THSD7A: variants seen among roughly 807,000 people sequenced by gnomAD.
THSD7A encodes the protein thrombospondin type-1 domain-containing protein 7A.
Under a neutral mutation model 231.3 loss-of-function variants are expected in THSD7A, and 96 were observed. The observed-to-expected ratio is 0.41, with a 90% CI of 0.35 to 0.49. THSD7A has a LOEUF of 0.49. Ranked by LOEUF, THSD7A falls within the 20% of genes least tolerant of loss-of-function variation. The pLI is 0.05. For missense variants in THSD7A, 2,290 were observed against 2,070.2 expected (o/e 1.11, Z -2.06); for synonymous variants, 940 against 743.3 (o/e 1.26, Z -4.30).
At chr7:11,601,752 AATTT>A (rs1340109826) in intron 2 of THSD7A, among the ~76,000 whole-genome samples, 1 of 152,180 alleles carries the variant, frequency 6.6e-6, no homozygotes, top group East Asian at 1.9e-4. Context: ...GAATCTTAAG[AATTT>A]GAATGTTTGG....
Position 11,391,653 on chromosome 7 carries a change from T to C in THSD7A, c.4412-9037A>G, listed in dbSNP as rs575118712. Among the ~76,000 whole-genome samples the C allele has an allele frequency of 1.1e-3, 165 of 152,230 alleles. 1 individual carries two copies. The highest frequency in any genetic ancestry group is 3.4e-3 in the African/African-American group (142 of 41,548). On this transcript the variant is annotated intron_variant, in intron 23 of 27. Transcript: ENST00000423059. ...TGTCCTGCTGGCATTCCAGGTGCCA[T>C]TGGGGTATGAAAAAAAGCTCCTGCA... is the stretch of plus-strand genomic sequence containing the variant.
At chr7:11,765,282 T>C (rs148545438) in intron 1 of THSD7A, among the ~76,000 whole-genome samples, 2 of 152,322 alleles carry the variant, frequency 1.3e-5, no homozygotes, top group African/African-American at 4.8e-5. Context: ...AATATTTAAG[T>C]TTGCTATCTT....
intron 1 of THSD7A, among the ~76,000 whole-genome samples, chr7:11,640,579 A>G (rs1443941462): frequency 6.6e-6 from 1 of 152,140 alleles, no homozygotes; most frequent in Non-Finnish European, 1.5e-5. Context: ...GGATAACTAA[A>G]TATGCACGAT....
At chr7:11,660,145 C>T (rs1238059979) in intron 1 of THSD7A, among the ~76,000 whole-genome samples, 1 of 151,504 alleles carries the variant, frequency 6.6e-6, no homozygotes, top group Non-Finnish European at 1.5e-5. Context: ...CCAATTTCTC[C>T]TAGAAAAATT....
At chr7:11,479,494 C>T (rs1307986328) in intron 7 of THSD7A, among the ~76,000 whole-genome samples, 1 of 152,130 alleles carries the variant, frequency 6.6e-6, no homozygotes, top group African/African-American at 2.4e-5. Flanking sequence ...ATTTATGACA[C>T]AAAGCACTAA....
At chr7:11,804,851 G>A (rs758818773) in intron 1 of THSD7A, among the ~76,000 whole-genome samples, 9 of 152,054 alleles carry the variant, frequency 5.9e-5, no homozygotes, top group South Asian at 2.1e-4. Context: ...GCCTAGCCCC[G>A]CTTGGTTCTA....
At chr7:11,508,568 A>G (rs182376553) in intron 6 of THSD7A, among the ~76,000 whole-genome samples, 1 of 152,344 alleles carries the variant, frequency 6.6e-6, no homozygotes, top group African/African-American at 2.4e-5. Context: ...TACAACTACT[A>G]CATGATGCTG....
intron 16 of THSD7A, among the ~76,000 whole-genome samples, chr7:11,422,998 G>C (rs1056696482): frequency 4.6e-5 from 7 of 151,836 alleles, no homozygotes; most frequent in Non-Finnish European, 1.0e-4. Context: ...AAATTCTTAA[G>C]GTAATATTTT....
chr7:11,626,338 T>C (rs1781471835), intron 2 of THSD7A, among the ~76,000 whole-genome samples: 1 of 152,134 alleles, frequency 6.6e-6, no homozygotes, highest in Non-Finnish European at 1.5e-5. Context: ...ATGAATATGT[T>C]TATGACCTTG....
At chr7:11,549,232 T>G (rs1275873973) in intron 4 of THSD7A, among the ~76,000 whole-genome samples, 2 of 152,042 alleles carry the variant, frequency 1.3e-5, no homozygotes, top group Admixed American at 6.6e-5. Context: ...TACTAAAAAG[T>G]CAAGAAACAA....
intron 1 of THSD7A, among the ~76,000 whole-genome samples, chr7:11,669,771 T>G (rs1783300883): frequency 6.6e-6 from 1 of 152,130 alleles, no homozygotes; most frequent in Non-Finnish European, 1.5e-5. Context: ...TTATTTCTTA[T>G]CAATATAATT....
intron 6 of THSD7A, among the ~76,000 whole-genome samples, chr7:11,525,776 T>C (rs1164082906): frequency 6.6e-6 from 1 of 152,168 alleles, no homozygotes; most frequent in African/African-American, 2.4e-5. Flanking sequence ...TAGATTATAC[T>C]CATTTGGAAC....
Position 11,406,269 on chromosome 7 carries a change from CAG to C in THSD7A, c.4237+29_4237+30del. On this transcript the variant is annotated intron_variant, in intron 22 of 27. Coordinates refer to ENST00000423059, the MANE Select transcript of THSD7A (RefSeq NM_015204.3). The surrounding 1 kb of genome is among the most constrained non-coding windows in gnomAD (Gnocchi z 4.7). ...GGCCCTTGTCCTAGGAAAAAATAAT[CAG>C]AATATGAATTCTCCTTTGCCGTTGT... 2 of 1,564,078 alleles carry C rather than the reference CAG, an allele frequency of 1.3e-6. No homozygotes were observed. Among genetic ancestry groups the C allele is most frequent in the Non-Finnish European group, 1.7e-6 (2 of 1,157,268 alleles).
At chr7:11,526,071 A>G (rs1434483865) in intron 6 of THSD7A, among the ~76,000 whole-genome samples, 2 of 152,180 alleles carry the variant, frequency 1.3e-5, no homozygotes, top group Non-Finnish European at 2.9e-5. Flanking sequence ...GTTCTACGTT[A>G]AAGGATCTGA....
At chr7:11,402,420 G>C (rs1275850304) in intron 22 of THSD7A, among the ~76,000 whole-genome samples, 1 of 152,168 alleles carries the variant, frequency 6.6e-6, no homozygotes, top group African/African-American at 2.4e-5. Context: ...GACAGAGCTG[G>C]TTTTATGTTT....
chr7:11,403,824 T>C (rs1277896185), intron 22 of THSD7A, among the ~76,000 whole-genome samples: 2 of 152,230 alleles, frequency 1.3e-5, no homozygotes, highest in Non-Finnish European at 2.9e-5. Flanking sequence ...TTTTCTATTT[T>C]GACCATGTAA....
chr7:11,707,801 C>A (rs1780818752), intron 1 of THSD7A, among the ~76,000 whole-genome samples: 1 of 150,776 alleles, frequency 6.6e-6, no homozygotes, highest in Non-Finnish European at 1.5e-5. Flanking sequence ...TCAGCTTGAG[C>A]CAAAATAACT....
At chr7:11,400,227 G>A (rs1054713568) in intron 23 of THSD7A, among the ~76,000 whole-genome samples, 4 of 151,530 alleles carry the variant, frequency 2.6e-5, no homozygotes, top group African/African-American at 9.7e-5. Flanking sequence ...GAGTTAATGG[G>A]TGCAGCACAC....
intron 19 of THSD7A, among the ~76,000 whole-genome samples, chr7:11,407,714 T>C (rs1327465722): frequency 6.6e-6 from 1 of 152,206 alleles, no homozygotes; most frequent in African/African-American, 2.4e-5. Context: ...TCCAAATTGG[T>C]TGAATTTCCC....
Sources: gnomAD v4.1 joint callset for allele counts (sites outside exome capture counted in the v4.1 genomes callset) on GRCh38, gnomAD v4.1.1 for gene constraint, Gnocchi (gnomAD v3.1) non-coding constraint, MANE v1.5 for transcripts, NCBI Gene and HGNC (gene_info 2026-07-23, HGNC 2026-07-21) for gene names.